The following RABEP1 variants were observed in gnomAD, a reference collection of about 807,000 sequenced individuals.
RABEP1 encodes rab GTPase-binding effector protein 1.
Under a neutral mutation model 123.4 loss-of-function variants are expected in RABEP1, and 51 were observed. The observed-to-expected ratio is 0.41, with a 90% CI of 0.33 to 0.52. The LOEUF is 0.52. Among genes scored for constraint, RABEP1 ranks in the 20% least tolerant of loss-of-function variants. The pLI, the probability that RABEP1 is intolerant of heterozygous loss-of-function variation, is 0.16. For missense variants in RABEP1, 888 were observed against 996.3 expected (o/e 0.89, Z 1.46); for synonymous variants, 347 against 355.2 (o/e 0.98, Z 0.26).
chr17:5,375,318 C>G (rs548093750), intron 13 of RABEP1, among the ~76,000 whole-genome samples: 8 of 152,278 alleles, frequency 5.3e-5, no homozygotes, highest in Non-Finnish European at 1.2e-4. Flanking sequence ...TCCCCAACTT[C>G]TTATCGTCTC....
At chr17:5,318,942 A>T (rs746351094) in intron 2 of RABEP1, among the ~76,000 whole-genome samples, 2 of 152,196 alleles carry the variant, frequency 1.3e-5, no homozygotes, top group Admixed American at 1.3e-4. Context: ...GAGGTGATGG[A>T]TATGTTAATT....
intron 4 of RABEP1, 90 bp downstream of exon 4, chr17:5,335,434 C>T: frequency 9.0e-7 from 1 of 1,107,818 alleles, no homozygotes; most frequent in Non-Finnish European, 1.3e-6. Context: ...AATAGAAGTA[C>T]TTTGATATTT....
intron 8 of RABEP1, among the ~76,000 whole-genome samples, chr17:5,359,287 A>G (rs1159326264): frequency 1.3e-5 from 2 of 151,806 alleles, no homozygotes; most frequent in Non-Finnish European, 1.5e-5. Flanking sequence ...TGCTAGCCAG[A>G]ATGGTCTTGA....
intron 1 of RABEP1, among the ~76,000 whole-genome samples, chr17:5,284,466 AT>A (rs879629910): frequency 4.1e-4 from 60 of 145,412 alleles, no homozygotes; most frequent in East Asian, 1.6e-3. Context: ...GGGGATTTTA[AT>A]TTTTTTTTTT....
At chr17:5,361,827 G>C (rs1406593972) in intron 9 of RABEP1, 152 bp downstream of exon 9, 1 of 642,818 alleles carries the variant, frequency 1.6e-6, no homozygotes. Context: ...CCTGACCCTT[G>C]TCATAGTCTG....
intron 3 of RABEP1, among the ~76,000 whole-genome samples, chr17:5,333,364 A>G (rs922692071): frequency 2.3e-4 from 35 of 151,770 alleles, no homozygotes; most frequent in African/African-American, 8.0e-4. Context: ...GGGTTTCACC[A>G]TGTTAGCCAG....
At position 5,330,687 on chromosome 17, in the gene RABEP1, A is replaced by AT. The variant is rs201719596; in HGVS notation, c.164-1252dup. 6.0e-5 allele frequency among the ~76,000 whole-genome samples: 9 copies of AT among 150,770 alleles called. No individual in the cohort carries two copies. The East Asian group carries it at 7.8e-4, about 13-fold the overall frequency. On this transcript the variant is annotated intron_variant, in intron 2 of 17. Transcript: ENST00000537505. ...ATTGATACTTTTACAAAGATGAAGAATTTTTTTTTTCATAAATACCTTACA... is the reference window on the plus strand; with the variant it reads ...ATTGATACTTTTACAAAGATGAAGAATTTTTTTTTTTCATAAATACCTTACA...
chr17:5,357,623 G>A (rs1372837931), intron 8 of RABEP1, among the ~76,000 whole-genome samples: 2 of 151,804 alleles, frequency 1.3e-5, no homozygotes, highest in African/African-American at 2.4e-5. Context: ...TGCCCACCTC[G>A]GCCTCCCAAA....
chr17:5,344,548 G>A (rs889380880), intron 5 of RABEP1, among the ~76,000 whole-genome samples: 4 of 151,882 alleles, frequency 2.6e-5, no homozygotes, highest in Non-Finnish European at 5.9e-5. Flanking sequence ...CGAGGCGGGC[G>A]GATCACGAGG....
At chr17:5,339,524 G>A (rs1021451806) in intron 5 of RABEP1, among the ~76,000 whole-genome samples, 1 of 152,048 alleles carries the variant, frequency 6.6e-6, no homozygotes, top group Non-Finnish European at 1.5e-5. Flanking sequence ...AAGCCTGGGC[G>A]CGGTGGCTCA....
chr17:5,301,645 C>T (rs947531461), intron 1 of RABEP1, among the ~76,000 whole-genome samples: 2 of 152,010 alleles, frequency 1.3e-5, no homozygotes, highest in African/African-American at 4.8e-5. Context: ...GGCACAAACT[C>T]CTTATCTCAT....
intron 2 of RABEP1, among the ~76,000 whole-genome samples, chr17:5,310,834 G>T (rs958583831): frequency 5.6e-4 from 80 of 143,858 alleles, no homozygotes. Context: ...TTTTGAGACC[G>T]AGTCTCGCTG....
chr17:5,363,663 A>G (rs1909763451), intron 10 of RABEP1, among the ~76,000 whole-genome samples: 1 of 152,164 alleles, frequency 6.6e-6, no homozygotes, highest in Non-Finnish European at 1.5e-5. Context: ...GATCTCAGGG[A>G]GATAAAAGGT....
intron 17 of RABEP1, among the ~76,000 whole-genome samples, chr17:5,382,298 TCTCAAA>T: frequency 6.6e-6 from 1 of 151,054 alleles, no homozygotes; most frequent in East Asian, 2.0e-4. Context: ...GTCAGGCTGG[TCTCAAA>T]CTCCTGACCT....
chr17:5,311,281 C>T (rs1015416837), intron 2 of RABEP1, among the ~76,000 whole-genome samples: 1 of 152,026 alleles, frequency 6.6e-6, no homozygotes, highest in African/African-American at 2.4e-5. Context: ...AACTACTGGC[C>T]TAAAGTAACA....
intron 1 of RABEP1, among the ~76,000 whole-genome samples, chr17:5,307,179 G>T (rs62075065): frequency 7.2e-5 from 11 of 152,144 alleles, no homozygotes; most frequent in Admixed American, 7.2e-4. Context: ...TTAGCCAGGC[G>T]TGGTGGCACA....
rs1158126417 is a variant in RABEP1 at position 5,346,928 on chromosome 17, A to G, written c.784+3A>G. ...ACTGCGGAAAGAATTGCATGAAGGT[A>G]AATATACTGTATATTTTTATCTTTG... On this transcript the variant is annotated splice_donor_region_variant and intron_variant, in intron 6 of 17. Transcript: ENST00000537505. 1 of 1,587,690 alleles carries G rather than the reference A, an allele frequency of 6.3e-7. No homozygotes were observed. Among genetic ancestry groups the G allele is most frequent in the African/African-American group, 1.3e-5 (1 of 74,092 alleles).
rs1202760625 is a variant in RABEP1 at position 5,382,016 on chromosome 17, C to G, written c.2487+511C>G. Among the ~76,000 whole-genome samples the G allele has an allele frequency of 2.6e-5, 4 of 152,234 alleles. No individual in the cohort carries two copies. In the East Asian group the frequency reaches 7.7e-4, roughly 29 times the overall value. On this transcript the variant is annotated intron_variant, in intron 17 of 17. Coordinates refer to ENST00000537505, the MANE Select transcript of RABEP1 (RefSeq NM_004703.6). ...GCTCCCTCGGGCACTCTATGAATGC[C>G]TGTAATGACACAATGACATTTAGAA...
Position 5,346,820 on chromosome 17 carries a change from G to T in RABEP1, c.679G>T (p.Glu227Ter). 6.3e-7 allele frequency: 1 copy of T among 1,578,834 alleles called. No individual in the cohort carries two copies. Among genetic ancestry groups the T allele is most frequent in the South Asian group, 1.2e-5 (1 of 84,590 alleles). Reference protein sequence around the residue: ...VKELNHYLEAEKSCRTDLEMY... With the variant: ...VKELNHYLEA ...AGAACTGAATCATTATCTGGAAGCT[G>T]AGAAATCTTGTAGGACTGATCTAGA... Residue 227 changes from glutamate to a stop codon, truncating the protein, a stop_gained, in exon 6 of 18, where the codon GAG (glutamate) becomes TAG (stop). Transcript: ENST00000537505. LOFTEE classifies it high-confidence loss of function.
Sources: gnomAD v4.1 joint callset for allele counts (sites outside exome capture counted in the v4.1 genomes callset) on GRCh38, gnomAD v4.1.1 for gene constraint, MANE v1.5 for transcripts, NCBI Gene and HGNC (gene_info 2026-07-23, HGNC 2026-07-21) for gene names.